Variants in PCDHGA7 observed in about 807,000 individuals in gnomAD.
PCDHGA7 encodes protocadherin gamma subfamily A, 7, also known as protocadherin gamma-A7.
PCDHGA7 carries 44 observed loss-of-function variants against 58.3 expected under a neutral mutation model. That is an observed-to-expected ratio of 0.75 (90% CI 0.59 to 0.97). The LOEUF is 0.97. Among genes scored for constraint, PCDHGA7 ranks in the 50% least tolerant of loss-of-function variants. PCDHGA7 has a pLI of 0.00. For synonymous variants in PCDHGA7, 516 were observed against 504.2 expected (o/e 1.02, Z -0.31); for missense variants, 1,266 against 1,188.7 (o/e 1.06, Z -0.96).
chr5:141,414,357 A>G, intron 1 of PCDHGA7: 3 of 1,613,888 alleles, frequency 1.9e-6, no homozygotes, highest in Non-Finnish European at 2.5e-6. Flanking sequence ...TGGCGTATCT[A>G]CCATTTAAAT....
intron 1 of PCDHGA7, among the ~76,000 whole-genome samples, chr5:141,455,028 G>A (rs2098810519): frequency 6.6e-6 from 1 of 150,780 alleles, no homozygotes; most frequent in Non-Finnish European, 1.5e-5. Flanking sequence ...TAGCCAGGAT[G>A]GTCTCGATCT....
chr5:141,447,428 G>A (rs542079336), intron 1 of PCDHGA7, among the ~76,000 whole-genome samples: 4 of 152,182 alleles, frequency 2.6e-5, no homozygotes, highest in East Asian at 1.9e-4. Flanking sequence ...GTGAGCCACC[G>A]CACCCGGAGG....
chr5:141,510,834 G>T, intron 3 of PCDHGA7, 113 bp from the exon 4 acceptor site: 1 of 1,581,880 alleles, frequency 6.3e-7, no homozygotes. Flanking sequence ...AGTGCTCAGC[G>T]TGGTCAAGGC....
chr5:141,475,628 C>T (rs2099366226), intron 1 of PCDHGA7, among the ~76,000 whole-genome samples: 1 of 152,116 alleles, frequency 6.6e-6, no homozygotes. Context: ...TTGGTTCGAT[C>T]CCCTTTCTTG....
chr5:141,437,223 C>G (rs555637738), intron 1 of PCDHGA7, among the ~76,000 whole-genome samples: 1 of 152,198 alleles, frequency 6.6e-6, no homozygotes, highest in Admixed American at 6.5e-5. Context: ...TGATTCCAGT[C>G]ATAAAATTAT....
At chr5:141,390,390 A>G (rs2092135147) in intron 1 of PCDHGA7, 4 of 1,406,748 alleles carry the variant, frequency 2.8e-6, no homozygotes, top group Middle Eastern at 3.7e-4. Flanking sequence ...GATGTCATGG[A>G]TCATTTTAGG....
At position 141,512,750 on chromosome 5, in the gene PCDHGA7, G is replaced by C. The variant is rs538475261; in HGVS notation, c.*1577G>C. The C allele has an allele frequency of 2.6e-5, 4 of 152,894 alleles. No homozygotes were observed. The highest frequency in any genetic ancestry group is 4.4e-5 in the Non-Finnish European group (3 of 68,656). 9.5% of individuals were successfully genotyped at this position (152,894 alleles called of 1,614,324 possible). ...AGCGGGCGGCGGGCTCCGCGCAGCC[G>C]TCTGTCCTTGATCTGCCCGCGGCGG... On this transcript the variant is annotated 3_prime_UTR_variant, in exon 4 of 4. Coordinates refer to ENST00000518325, the MANE Select transcript of PCDHGA7 (RefSeq NM_018920.4).
At chr5:141,394,635 C>T (rs754317215) in intron 1 of PCDHGA7, 1 of 1,613,428 alleles carries the variant, frequency 6.2e-7, no homozygotes, top group Non-Finnish European at 8.5e-7. Context: ...GTCCTACCGC[C>T]TGCTCAAGGC....
rs561122870 is a variant in PCDHGA7 at position 141,439,444 on chromosome 5, C to T, written c.2424+54121C>T. On this transcript the variant is annotated intron_variant, in intron 1 of 3. Transcript: ENST00000518325. ...ATAAATTCCCAGGAATATTTTATTG[C>T]GGGAGCAAGACTGCACTGCTGCCTT... Among the ~76,000 whole-genome samples the T allele has an allele frequency of 3.0e-4, 46 of 152,264 alleles. 1 individual carries two copies. The South Asian group carries it at 6.2e-3, about 21-fold the overall frequency.
intron 1 of PCDHGA7, among the ~76,000 whole-genome samples, chr5:141,472,980 C>CAAA (rs60579131): frequency 5.8e-5 from 5 of 86,104 alleles, no homozygotes; most frequent in Non-Finnish European, 1.0e-4. Context: ...GAGTGAAACT[C>CAAA]AAAAAAAAAA....
chr5:141,470,870 G>GT (rs1230952624), intron 1 of PCDHGA7, among the ~76,000 whole-genome samples: 1 of 151,546 alleles, frequency 6.6e-6, no homozygotes, highest in Non-Finnish European at 1.5e-5. Context: ...TTGTTTGTTT[G>GT]TTTTTTTGTT....
chr5:141,408,249 T>A, intron 1 of PCDHGA7: 1 of 1,589,992 alleles, frequency 6.3e-7, no homozygotes, highest in Non-Finnish European at 8.6e-7. Flanking sequence ...CCGCGGCAGG[T>A]GCTATTTCCT....
chr5:141,413,248 GGGATTCCATGGGA>G (rs1349440144), intron 1 of PCDHGA7: 4 of 1,613,844 alleles, frequency 2.5e-6, no homozygotes, highest in Non-Finnish European at 2.5e-6. Context: ...CCTTTTCTTC[GGGATTCCATGGGA>G]GGCTGGAGCC....
chr5:141,500,062 TAA>T (rs1314388217), intron 2 of PCDHGA7, among the ~76,000 whole-genome samples: 1 of 152,144 alleles, frequency 6.6e-6, no homozygotes, highest in East Asian at 1.9e-4. Flanking sequence ...TCTTTTAATG[TAA>T]AAGACTTCCC....
intron 1 of PCDHGA7, chr5:141,388,903 A>T: frequency 6.2e-7 from 1 of 1,614,010 alleles, no homozygotes; most frequent in Non-Finnish European, 8.5e-7. Flanking sequence ...GATGAAAATG[A>T]CAACGCCCCA....
At chr5:141,409,039 C>A (rs2095214342) in intron 1 of PCDHGA7, 1 of 1,614,004 alleles carries the variant, frequency 6.2e-7, no homozygotes, top group Non-Finnish European at 8.5e-7. Flanking sequence ...AGATAAACTA[C>A]TACTTCCGAA....
Position 141,477,140 on chromosome 5 carries a change from G to GT in PCDHGA7, c.2425-17665dup. ...AGCACATTGCAAAGTGTTGGTGGAG[G>GT]TTGTGGATGTGAATGACAACGCCCC... On this transcript the variant is annotated intron_variant, in intron 1 of 3. Transcript: ENST00000518325. The surrounding 1 kb of genome is among the most constrained non-coding windows in gnomAD (Gnocchi z 4.9). 1 of 1,614,220 alleles carries GT rather than the reference G, an allele frequency of 6.2e-7. No homozygotes were observed. Among genetic ancestry groups the GT allele is most frequent in the Non-Finnish European group, 8.5e-7 (1 of 1,180,048 alleles).
At chr5:141,408,280 C>A in intron 1 of PCDHGA7, 4 of 1,612,648 alleles carry the variant, frequency 2.5e-6, no homozygotes, top group Non-Finnish European at 3.4e-6. Context: ...CTTTGTTCTA[C>A]CCCACCCTGA....
rs756770023 is a variant in PCDHGA7 at position 141,383,289 on chromosome 5, T to C, written c.390T>C (p.Val130=). ...AAATAATAGATATTAATGACAACGT[T>C]CCAAGATTCTTGACGGAAGAAATAA... ...DVEIIDINDN[V]PRFLTEEINV... is the part of the protein sequence containing the mutation. The change falls in exon 1 of 4, where the codon GTT becomes GTC. Residue 130 remains valine, a synonymous_variant. Coordinates refer to ENST00000518325, the MANE Select transcript of PCDHGA7 (RefSeq NM_018920.4). The C allele has an allele frequency of 1.9e-6, 3 of 1,613,914 alleles. No individual in the cohort carries two copies. In the South Asian group the frequency reaches 3.3e-5, roughly 18 times the overall value.
Sources: gnomAD v4.1 joint callset for allele counts (sites outside exome capture counted in the v4.1 genomes callset) on GRCh38, gnomAD v4.1.1 for gene constraint, Gnocchi (gnomAD v3.1) non-coding constraint, MANE v1.5 for transcripts, NCBI Gene and HGNC (gene_info 2026-07-23, HGNC 2026-07-21) for gene names.